Variants in CDC40 observed in about 807,000 individuals in gnomAD.
CDC40 encodes the protein pre-mRNA-processing factor 17.
CDC40 carries 27 observed loss-of-function variants against 80.6 expected under a neutral mutation model. That is an observed-to-expected ratio of 0.33 (90% CI 0.25 to 0.46). CDC40 has a LOEUF of 0.46. CDC40 is among the 20% of genes least tolerant of loss of function. The pLI is 1.00. For missense variants in CDC40, 486 were observed against 694.1 expected, an observed-to-expected ratio of 0.70 and a Z score of 3.37; for synonymous variants, 221 against 232.6, an observed-to-expected ratio of 0.95 and a Z score of 0.45.
chr6:110,207,378 G>T (rs977649720), intron 3 of CDC40, 128 bp from the exon 4 acceptor site: 8 of 556,074 alleles, frequency 1.4e-5, no homozygotes, highest in Non-Finnish European at 2.3e-5. Flanking sequence ...GGTCCTGATT[G>T]GTCCTGAGTT....
chr6:110,207,713 A>G (rs752329034), intron 4 of CDC40, 124 bp downstream of exon 4: 3 of 609,456 alleles, frequency 4.9e-6, no homozygotes, highest in Admixed American at 2.7e-5. Context: ...AGTTGAAACA[A>G]TGGAGCGATA....
intron 13 of CDC40, among the ~76,000 whole-genome samples, chr6:110,228,385 T>C (rs1777892833): frequency 6.6e-6 from 1 of 152,114 alleles, no homozygotes; most frequent in South Asian, 2.1e-4. Flanking sequence ...ATATCTTTTT[T>C]TGTATAGTTT....
At chr6:110,227,242 T>G in intron 13 of CDC40, among the ~76,000 whole-genome samples, 1 of 152,164 alleles carries the variant, frequency 6.6e-6, no homozygotes. Context: ...TAGCTTTACA[T>G]GAGAGTCTTA....
intron 1 of CDC40, 103 bp from the exon 2 acceptor site, chr6:110,193,079 C>T (rs1259483238): frequency 1.5e-6 from 1 of 685,192 alleles, no homozygotes; most frequent in Non-Finnish European, 2.6e-6. Context: ...TAAGTTATAA[C>T]CATAAAATAG....
intron 1 of CDC40, among the ~76,000 whole-genome samples, chr6:110,182,367 A>G (rs1262765565): frequency 2.0e-5 from 3 of 152,178 alleles, no homozygotes; most frequent in Non-Finnish European, 4.4e-5. Flanking sequence ...GTAATTGTAC[A>G]TTTGTCTTTT....
Position 110,210,723 on chromosome 6 carries a change from TG to T in CDC40, c.649del (p.Asp217MetfsTer109). 6.4e-7 allele frequency: 1 copy of T among 1,565,138 alleles called. No homozygotes were observed. Among genetic ancestry groups the T allele is most frequent in the Non-Finnish European group, 8.6e-7 (1 of 1,158,690 alleles). ...AKPSEEEQKE[L>X]DEITAKRQKK... ...TTTTCTTAGGAAGAGCAAAAAGAATTGGATGAAATCACAGCAAAGAGGCAGA... is the reference window on the plus strand; with the variant it reads ...TTTTCTTAGGAAGAGCAAAAAGAATTGATGAAATCACAGCAAAGAGGCAGA... On this transcript the variant is annotated frameshift_variant, in exon 6 of 15. Coordinates refer to ENST00000307731, the MANE Select transcript of CDC40 (RefSeq NM_015891.3). LOFTEE classifies it high-confidence loss of function.
chr6:110,205,857 A>G (rs1426045737), intron 3 of CDC40, among the ~76,000 whole-genome samples: 2 of 152,234 alleles, frequency 1.3e-5, no homozygotes, highest in East Asian at 1.9e-4. Flanking sequence ...ACTTCTGTAC[A>G]TCAAAGAGAT....
chr6:110,226,392 A>G, intron 13 of CDC40, 149 bp downstream of exon 13: 2 of 438,406 alleles, frequency 4.6e-6, no homozygotes, highest in Non-Finnish European at 8.0e-6. Context: ...TATTAGAAAG[A>G]ATTACTGGTT....
intron 1 of CDC40, among the ~76,000 whole-genome samples, chr6:110,186,066 T>C (rs1440919186): frequency 1.3e-5 from 2 of 152,206 alleles, no homozygotes; most frequent in Non-Finnish European, 2.9e-5. Flanking sequence ...GTACTCCTAC[T>C]TTAGCTGTTG....
rs140569728 is a variant in CDC40 at position 110,214,757 on chromosome 6, T to G, written c.943-529T>G. Among the ~76,000 whole-genome samples, 850 of 152,326 alleles carry G rather than the reference T, an allele frequency of 5.6e-3. 11 individuals carry two copies. Among genetic ancestry groups the G allele is most frequent in the Non-Finnish European group, 8.6e-3 (584 of 68,018 alleles). On this transcript the variant is annotated intron_variant, in intron 8 of 14. Coordinates refer to ENST00000307731, the MANE Select transcript of CDC40 (RefSeq NM_015891.3). ...CTTGAAGCTATTGTATTAATCCACC[T>G]TAGATATGCTGAGAATTATGAGCCT...
intron 12 of CDC40, among the ~76,000 whole-genome samples, chr6:110,221,076 AAAGTT>A (rs1378958953): frequency 6.6e-6 from 1 of 152,224 alleles, no homozygotes; most frequent in Non-Finnish European, 1.5e-5. Context: ...ATATTTTTCT[AAAGTT>A]AAGCAATATA....
intron 8 of CDC40, among the ~76,000 whole-genome samples, chr6:110,214,853 A>G (rs531249463): frequency 1.3e-5 from 2 of 152,358 alleles, no homozygotes; most frequent in African/African-American, 4.8e-5. Flanking sequence ...GTAAACAGAA[A>G]AGGCTTTCAG....
intron 11 of CDC40, 70 bp downstream of exon 11, chr6:110,219,549 T>G: frequency 4.5e-6 from 5 of 1,100,596 alleles, no homozygotes; most frequent in Non-Finnish European, 6.9e-6. Flanking sequence ...AATAAGTTAA[T>G]AAGCTAATAT....
At chr6:110,213,236 A>C in intron 8 of CDC40, 76 bp downstream of exon 8, 2 of 1,043,982 alleles carry the variant, frequency 1.9e-6, no homozygotes, top group Non-Finnish European at 3.0e-6. Context: ...ATTATAAATA[A>C]ATTTGGGTTT....
chr6:110,185,240 TC>T (rs532953307), intron 1 of CDC40, among the ~76,000 whole-genome samples: 3 of 134,892 alleles, frequency 2.2e-5, no homozygotes, highest in Non-Finnish European at 4.9e-5. Flanking sequence ...CATCTTTTTT[TC>T]TTTTTTTTTT....
Position 110,213,069 on chromosome 6 carries a change from G to C in CDC40, c.868-17G>C, listed in dbSNP as rs931731549. The C allele has an allele frequency of 6.5e-7, 1 of 1,543,444 alleles. No homozygotes were observed. The highest frequency in any genetic ancestry group is 9.0e-7 in the Non-Finnish European group (1 of 1,115,614). The stretch of plus-strand genomic sequence containing the variant: ...TTTTGAATGCTTCTGGTTGATAACT[G>C]TAATACCTTTTTATAGGGCGTCAGT... On this transcript the variant is annotated splice_polypyrimidine_tract_variant and intron_variant, in intron 7 of 14. Coordinates refer to ENST00000307731, the MANE Select transcript of CDC40 (RefSeq NM_015891.3).
chr6:110,210,513 C>G (rs1313732507), intron 5 of CDC40, among the ~76,000 whole-genome samples, 194 bp from the exon 6 acceptor site: 3 of 143,946 alleles, frequency 2.1e-5, no homozygotes, highest in Non-Finnish European at 4.5e-5. Flanking sequence ...ATTCGCGCCA[C>G]TGCACTCCAG....
chr6:110,212,480 CAT>C (rs1456964582), intron 7 of CDC40, among the ~76,000 whole-genome samples: 2 of 152,174 alleles, frequency 1.3e-5, no homozygotes, highest in Non-Finnish European at 2.9e-5. Context: ...TTGGCCATGA[CAT>C]AGCATTCATG....
intron 8 of CDC40, among the ~76,000 whole-genome samples, chr6:110,214,710 G>C (rs1777677572): frequency 6.6e-6 from 1 of 152,194 alleles, no homozygotes; most frequent in Non-Finnish European, 1.5e-5. Context: ...TTGGATTCAA[G>C]GCAGTCAAGA....
Sources: allele counts gnomAD v4.1 joint callset (sites outside exome capture counted in the v4.1 genomes callset), GRCh38; gene constraint gnomAD v4.1.1; transcripts MANE v1.5; gene names NCBI Gene and HGNC (gene_info 2026-07-23, HGNC 2026-07-21).